Variants in SEMA5A observed in about 807,000 individuals in gnomAD.
SEMA5A encodes the protein semaphorin 5A.
A neutral mutation model predicts 135.5 loss-of-function variants in SEMA5A; 55 were observed. The observed-to-expected ratio is 0.41, with a 90% CI of 0.33 to 0.51. The LOEUF (loss-of-function observed/expected upper bound fraction) is 0.51, where lower values mean the gene tolerates loss of function less well. Ranked by LOEUF, SEMA5A falls within the 20% of genes least tolerant of loss-of-function variation. The probability of loss-of-function intolerance (pLI) is 0.37; values close to 1 mark genes in which losing one functional copy is unlikely to be tolerated. For missense variants in SEMA5A, 1,290 were observed against 1,419.9 expected, an observed-to-expected ratio of 0.91 and a Z score of 1.47; for synonymous variants, 580 against 546.5, an observed-to-expected ratio of 1.06 and a Z score of -0.85.
At chr5:9,082,369 A>G (rs1505062) in intron 16 of SEMA5A, among the ~76,000 whole-genome samples, 140,981 of 152,230 alleles carry the variant, frequency 0.93, 65,411 homozygotes, top group African/African-American at 0.98. Context: ...GTTGGTAGGT[A>G]ACTGAGTTTC....
At chr5:9,230,113 T>TAATCA (rs1203241819) in intron 6 of SEMA5A, among the ~76,000 whole-genome samples, 18 of 151,572 alleles carry the variant, frequency 1.2e-4, no homozygotes, top group African/African-American at 4.4e-4. Context: ...GTCTCCCAAG[T>TAATCA]AGCTCGGATT....
chr5:9,381,020 C>T (rs1010373748), intron 2 of SEMA5A, among the ~76,000 whole-genome samples: 3 of 151,902 alleles, frequency 2.0e-5, no homozygotes, highest in African/African-American at 4.8e-5. Flanking sequence ...GTGCTGTACT[C>T]GATCTAGGAA....
At chr5:9,090,317 C>T (rs960055550) in intron 16 of SEMA5A, among the ~76,000 whole-genome samples, 5 of 152,210 alleles carry the variant, frequency 3.3e-5, no homozygotes, top group African/African-American at 9.6e-5. Flanking sequence ...AAGCACTGGA[C>T]ATATTAGCTT....
At position 9,358,189 on chromosome 5, in the gene SEMA5A, C is replaced by T. The variant is rs138290677; in HGVS notation, c.125-20377G>A. 3.8e-3 allele frequency among the ~76,000 whole-genome samples: 573 copies of T among 152,240 alleles called. 7 individuals carry two copies. The highest frequency in any genetic ancestry group is 0.013 in the African/African-American group (544 of 41,542). Reference sequence around the variant, plus strand: ...CCTATGCCAAGTCTGTTCCTTGGTGCCTGGGCGCTCCAGTCAGCATCTCTA... The same window carrying T: ...CCTATGCCAAGTCTGTTCCTTGGTGTCTGGGCGCTCCAGTCAGCATCTCTA... On this transcript the variant is annotated intron_variant, in intron 3 of 22. Transcript: ENST00000382496.
intron 16 of SEMA5A, among the ~76,000 whole-genome samples, chr5:9,086,083 A>G (rs1457275515): frequency 6.6e-6 from 1 of 152,134 alleles, no homozygotes; most frequent in East Asian, 1.9e-4. Flanking sequence ...TATTTATCAA[A>G]TGTATCTAGG....
intron 1 of SEMA5A, among the ~76,000 whole-genome samples, chr5:9,511,823 G>A (rs1369893452): frequency 6.6e-6 from 1 of 152,040 alleles, no homozygotes; most frequent in East Asian, 1.9e-4. Flanking sequence ...TATAACTTTT[G>A]TCAATTAAAA....
At chr5:9,377,172 A>G (rs917591959) in intron 3 of SEMA5A, among the ~76,000 whole-genome samples, 5 of 152,064 alleles carry the variant, frequency 3.3e-5, no homozygotes, top group African/African-American at 1.2e-4. Flanking sequence ...TCCAGCATAT[A>G]TCATTAGGTT....
intron 10 of SEMA5A, among the ~76,000 whole-genome samples, chr5:9,196,442 T>C (rs1400645974): frequency 1.3e-5 from 2 of 152,244 alleles, no homozygotes; most frequent in Non-Finnish European, 2.9e-5. Context: ...GCTCACGCTT[T>C]TGTCTTGAAG....
intron 12 of SEMA5A, among the ~76,000 whole-genome samples, chr5:9,154,089 A>ATGTGTGTG (rs1411582465): frequency 2.9e-4 from 23 of 79,122 alleles, no homozygotes; most frequent in African/African-American, 7.3e-4. Context: ...ATATATATAT[A>ATGTGTGTG]TATATGTGTG....
At chr5:9,534,745 G>A (rs1386360434) in intron 1 of SEMA5A, among the ~76,000 whole-genome samples, 1 of 152,212 alleles carries the variant, frequency 6.6e-6, no homozygotes, top group Non-Finnish European at 1.5e-5. Flanking sequence ...CGGGCAGCAT[G>A]GGGCGGGGGT....
intron 2 of SEMA5A, among the ~76,000 whole-genome samples, chr5:9,428,060 A>G (rs1757721855): frequency 6.7e-6 from 1 of 148,938 alleles, no homozygotes; most frequent in African/African-American, 2.5e-5. Flanking sequence ...TATATTACAT[A>G]TATGTGTGTA....
intron 15 of SEMA5A, among the ~76,000 whole-genome samples, chr5:9,109,028 A>ATTTT (rs67762219): frequency 3.0e-4 from 28 of 92,448 alleles, no homozygotes; most frequent in African/African-American, 6.4e-4. Flanking sequence ...TTTCTCTTCA[A>ATTTT]TTTTTTTTTT....
In SEMA5A at chr5:9,128,399, G is replaced by A. The variant is rs553384131; in HGVS notation, c.1600-5562C>T. Among the ~76,000 whole-genome samples, 9 of 152,292 alleles carry A rather than the reference G, an allele frequency of 5.9e-5. No individual in the cohort carries two copies. The South Asian group carries it at 6.2e-4, about 11-fold the overall frequency. ...CTATTTTCATTCAAATGAAGAGGAG[G>A]AAGCTTTCTCTGCTCCTTCTCTTCC... On this transcript the variant is annotated intron_variant, in intron 13 of 22. Coordinates refer to ENST00000382496, the MANE Select transcript of SEMA5A (RefSeq NM_003966.3).
chr5:9,393,254 A>G (rs1043132356), intron 2 of SEMA5A, among the ~76,000 whole-genome samples: 5 of 152,240 alleles, frequency 3.3e-5, no homozygotes, highest in Non-Finnish European at 5.9e-5. Flanking sequence ...ATAAAGCCAG[A>G]AAAGTGAATG....
chr5:9,521,028 C>T (rs1359828696), intron 1 of SEMA5A, among the ~76,000 whole-genome samples: 4 of 152,208 alleles, frequency 2.6e-5, no homozygotes, highest in Admixed American at 6.5e-5. Context: ...AAGTGCAAGG[C>T]GTTAGCAATA....
intron 1 of SEMA5A, among the ~76,000 whole-genome samples, chr5:9,518,782 A>G (rs2126865344): frequency 6.6e-6 from 1 of 152,318 alleles, no homozygotes; most frequent in East Asian, 1.9e-4. Flanking sequence ...CTTTATTTTA[A>G]AAAACAGAGG....
intron 1 of SEMA5A, among the ~76,000 whole-genome samples, chr5:9,478,992 G>C (rs1307956418): frequency 6.6e-6 from 1 of 152,136 alleles, no homozygotes; most frequent in Non-Finnish European, 1.5e-5. Flanking sequence ...CATTGGGGTA[G>C]TTTCCCCCAT....
At chr5:9,308,828 C>T (rs1218896898) in intron 5 of SEMA5A, among the ~76,000 whole-genome samples, 2 of 151,956 alleles carry the variant, frequency 1.3e-5, no homozygotes, top group Admixed American at 6.6e-5. Context: ...AAAATAATAC[C>T]CCCACTTTAG....
intron 21 of SEMA5A, among the ~76,000 whole-genome samples, chr5:9,048,460 C>T (rs982919701): frequency 5.3e-5 from 8 of 152,184 alleles, no homozygotes; most frequent in Admixed American, 5.2e-4. Flanking sequence ...ATGTCACTGA[C>T]CTGAACCATT....
Sources: allele counts gnomAD v4.1 joint callset (sites outside exome capture counted in the v4.1 genomes callset), GRCh38; gene constraint gnomAD v4.1.1; transcripts MANE v1.5; gene names NCBI Gene and HGNC (gene_info 2026-07-23, HGNC 2026-07-21).